MET: variants seen among roughly 807,000 people sequenced by gnomAD.
MET encodes MET proto-oncogene, receptor tyrosine kinase.
MET carries 48 observed loss-of-function variants against 133.1 expected under a neutral mutation model. That is an observed-to-expected ratio of 0.36 (90% confidence interval 0.29 to 0.46). The LOEUF is 0.46. MET is among the 20% of genes least tolerant of loss of function. The probability of loss-of-function intolerance (pLI) is 1.00; values close to 1 mark genes in which losing one functional copy is unlikely to be tolerated. For synonymous variants in MET, 628 were observed against 616.5 expected (o/e 1.02, Z -0.28); for missense variants, 1,442 against 1,695.9 (o/e 0.85, Z 2.63).
At chr7:116,744,013 C>T (rs1715673540) in intron 5 of MET, among the ~76,000 whole-genome samples, 1 of 152,072 alleles carries the variant, frequency 6.6e-6, no homozygotes, top group South Asian at 2.1e-4. Context: ...AGAACGTCCA[C>T]ACAAAAACCC....
At chr7:116,781,393 A>G (rs1318093823) in intron 17 of MET, among the ~76,000 whole-genome samples, 1 of 152,172 alleles carries the variant, frequency 6.6e-6, no homozygotes, top group Non-Finnish European at 1.5e-5. Context: ...GGAAAATAAT[A>G]AAACTACATT....
At chr7:116,765,407 C>T (rs953387489) in intron 11 of MET, among the ~76,000 whole-genome samples, 1 of 151,930 alleles carries the variant, frequency 6.6e-6, no homozygotes, top group Non-Finnish European at 1.5e-5. Context: ...CTCATGCAGC[C>T]ATGCATGCAA....
At chr7:116,767,949 G>A (rs1044710199) in intron 11 of MET, among the ~76,000 whole-genome samples, 4 of 146,500 alleles carry the variant, frequency 2.7e-5, no homozygotes, top group African/African-American at 5.1e-5. Context: ...GGGACTTTAC[G>A]CTTCTAATAT....
At chr7:116,774,530 T>C (rs962300514) in intron 14 of MET, among the ~76,000 whole-genome samples, 2 of 152,248 alleles carry the variant, frequency 1.3e-5, no homozygotes, top group African/African-American at 4.8e-5. Flanking sequence ...ATATTTGAGC[T>C]GGATTTTTGT....
chr7:116,779,517 C>T (rs1379200579), intron 17 of MET, among the ~76,000 whole-genome samples: 1 of 152,122 alleles, frequency 6.6e-6, no homozygotes, highest in Non-Finnish European at 1.5e-5. Flanking sequence ...TTTAAAATTG[C>T]AACTGACCAC....
At chr7:116,758,048 A>G (rs182228951) in intron 8 of MET, among the ~76,000 whole-genome samples, 86 of 152,218 alleles carry the variant, frequency 5.6e-4, no homozygotes, top group Middle Eastern at 3.4e-3. Context: ...TAGCTATACT[A>G]TGAGCTGTGA....
intron 15 of MET, among the ~76,000 whole-genome samples, 180 bp from the exon 16 acceptor site, chr7:116,777,209 A>G (rs751057241): frequency 4.7e-4 from 72 of 152,334 alleles, no homozygotes; most frequent in Non-Finnish European, 9.3e-4. Flanking sequence ...TTGCATCTAC[A>G]TATATATTTA....
At position 116,774,895 on chromosome 7, in the gene MET, T is replaced by G. The variant is rs539345989; in HGVS notation, c.3043T>G (p.Ser1015Ala). 151 of 1,614,084 alleles carry G rather than the reference T, an allele frequency of 9.4e-5. 4 individuals are homozygous for G. The South Asian group carries it at 1.6e-3, about 17-fold the overall frequency. ...TCATCTTACAGATCAGTTTCCTAAT[T>G]CATCTCAGAACGGTTCATGCCGACA... ...ATFPEDQFPNSSQNGSCRQVQ... is the reference protein window; with the variant it reads ...ATFPEDQFPNASQNGSCRQVQ... Residue 1015 changes from serine to alanine, a missense_variant, in exon 15 of 21, where the codon TCA becomes GCA. Coordinates refer to ENST00000397752, the MANE Select transcript of MET (RefSeq NM_000245.4).
At chr7:116,764,245 T>A (rs1794524618) in intron 11 of MET, among the ~76,000 whole-genome samples, 1 of 152,202 alleles carries the variant, frequency 6.6e-6, no homozygotes, top group African/African-American at 2.4e-5. Flanking sequence ...ACCTCATTAT[T>A]GTGTTTTGTA....
chr7:116,706,089 A>C (rs1382062652), intron 2 of MET, among the ~76,000 whole-genome samples: 1 of 152,150 alleles, frequency 6.6e-6, no homozygotes, highest in Non-Finnish European at 1.5e-5. Flanking sequence ...TTTATAACCT[A>C]ATAGCAAGAG....
intron 1 of MET, among the ~76,000 whole-genome samples, chr7:116,673,880 G>T (rs1344391274): frequency 6.6e-6 from 1 of 152,092 alleles, no homozygotes; most frequent in Non-Finnish European, 1.5e-5. Flanking sequence ...AGGTACTTTG[G>T]TTCCTATCAT....
At chr7:116,760,133 T>A (rs1290919717) in intron 10 of MET, among the ~76,000 whole-genome samples, 1 of 152,160 alleles carries the variant, frequency 6.6e-6, no homozygotes, top group South Asian at 2.1e-4. Flanking sequence ...ATTTCCCTAG[T>A]CCCTTTTTAA....
At chr7:116,751,928 G>T (rs1323893725) in intron 5 of MET, among the ~76,000 whole-genome samples, 1 of 152,102 alleles carries the variant, frequency 6.6e-6, no homozygotes, top group Non-Finnish European at 1.5e-5. Flanking sequence ...AGGCATGGTG[G>T]CAGGTGCCTG....
chr7:116,774,794 A>T (rs2117028543), intron 14 of MET, 87 bp from the exon 15 acceptor site: 2 of 979,966 alleles, frequency 2.0e-6, no homozygotes, highest in Non-Finnish European at 3.2e-6. Flanking sequence ...TTATCAAACT[A>T]ATTCCATTAT....
At position 116,769,621 on chromosome 7, in the gene MET, C is replaced by CT. The variant is rs57349036; in HGVS notation, c.2584-9dup. 0.025 allele frequency: 36,036 copies of CT among 1,470,504 alleles called. 18 individuals carry two copies. Among genetic ancestry groups the CT allele is most frequent in the African/African-American group, 0.029 (2,031 of 69,842 alleles). The allele number at this position is 1,470,504 out of a possible 1,614,324, so 91.1% of individuals were successfully genotyped here. On this transcript the variant is annotated intron_variant, in intron 11 of 20. Transcript: ENST00000397752. ...TGCAGAACTGTGAAGTGTTAACAAC[C>CT]TTTTTTTTTTTTTTTCCTTTCAGGG...
intron 2 of MET, among the ~76,000 whole-genome samples, chr7:116,716,477 GAAAGA>G (rs1338990448): frequency 1.0e-5 from 1 of 99,804 alleles, no homozygotes; most frequent in Non-Finnish European, 2.1e-5. Context: ...GAGAAAGAAA[GAAAGA>G]AAGAAAGAAA....
At chr7:116,770,749 C>T (rs906440721) in intron 12 of MET, among the ~76,000 whole-genome samples, 12 of 152,250 alleles carry the variant, frequency 7.9e-5, no homozygotes, top group Admixed American at 2.0e-4. Flanking sequence ...GATTCATCCA[C>T]GTTGTAGCCT....
chr7:116,693,286 G>A (rs1369148680), intron 1 of MET, among the ~76,000 whole-genome samples: 1 of 152,150 alleles, frequency 6.6e-6, no homozygotes, highest in African/African-American at 2.4e-5. Flanking sequence ...CCCTCTGCGG[G>A]CTTTAATAAC....
At chr7:116,777,041 TA>T (rs1224033408) in intron 15 of MET, among the ~76,000 whole-genome samples, 1 of 152,218 alleles carries the variant, frequency 6.6e-6, no homozygotes, top group Non-Finnish European at 1.5e-5. Flanking sequence ...TGTCATCCTT[TA>T]AAAAAATTTA....
Sources: gnomAD v4.1 joint callset for allele counts (sites outside exome capture counted in the v4.1 genomes callset) on GRCh38, gnomAD v4.1.1 for gene constraint, MANE v1.5 for transcripts, NCBI Gene and HGNC (gene_info 2026-07-23, HGNC 2026-07-21) for gene names.